The following AGTPBP1 variants were observed in gnomAD, a reference collection of about 807,000 sequenced individuals.
AGTPBP1 encodes the protein ATP/GTP binding carboxypeptidase 1.
AGTPBP1 carries 70 observed loss-of-function variants against 143.9 expected under a neutral mutation model. The observed-to-expected ratio is 0.49, with a 90% CI of 0.40 to 0.59. The LOEUF is 0.59. Ranked by LOEUF, AGTPBP1 falls within the 20% of genes least tolerant of loss-of-function variation. AGTPBP1 has a pLI of 0.00. For synonymous variants in AGTPBP1, 463 were observed against 500.2 expected (o/e 0.93, Z 0.99); for missense variants, 1,229 against 1,464.5 (o/e 0.84, Z 2.62).
At chr9:85,692,095 G>C (rs530840954) in intron 3 of AGTPBP1, among the ~76,000 whole-genome samples, 12 of 151,946 alleles carry the variant, frequency 7.9e-5, no homozygotes, top group Non-Finnish European at 1.6e-4. Context: ...TATGCTACTT[G>C]ATATCTTTTT....
the AGTPBP1 span, among the ~76,000 whole-genome samples, chr9:85,749,486 C>G: frequency 6.6e-6 from 1 of 152,188 alleles, no homozygotes; most frequent in African/African-American, 2.4e-5. Flanking sequence ...TTGGAGCTAA[C>G]TCTCTGAGAC....
chr9:85,776,100 C>T, the AGTPBP1 span, among the ~76,000 whole-genome samples: 3 of 152,158 alleles, frequency 2.0e-5, no homozygotes, highest in African/African-American at 4.8e-5. Flanking sequence ...AACTATCCTT[C>T]GTACAACCAG....
At position 85,741,825 on chromosome 9, in the gene AGTPBP1, C is replaced by A; in HGVS notation, c.-84G>T. 7.1e-7 allele frequency: 1 copy of A among 1,400,180 alleles called. No individual in the cohort carries two copies. The highest frequency in any genetic ancestry group is 1.5e-5 in the South Asian group (1 of 66,170). The allele number at this position is 1,400,180 out of a possible 1,614,324, so 86.7% of individuals were successfully genotyped here. A position where few individuals can be genotyped will look rare whatever the true frequency, so the allele number is the denominator to read the frequency against. On this transcript the variant is annotated 5_prime_UTR_variant, in exon 1 of 26. Transcript: ENST00000357081. ...GACCGCGCAGAGCCGCAGCACCCGG[C>A]TCAGCACCTGGATCACGGCGGATCC...
the AGTPBP1 span, among the ~76,000 whole-genome samples, chr9:85,779,176 T>TATATAGATATAG: frequency 0.016 from 2,194 of 133,680 alleles, 26 homozygotes; most frequent in East Asian, 0.036. Context: ...TAATAGGAGA[T>TATATAGATATAG]ATATAGATAT....
At chr9:85,657,087 G>A (rs1833558910) in intron 10 of AGTPBP1, among the ~76,000 whole-genome samples, 2 of 151,330 alleles carry the variant, frequency 1.3e-5, no homozygotes, top group East Asian at 1.9e-4. Flanking sequence ...GCTAGATGAC[G>A]AGTTAGTGGG....
chr9:85,758,970 C>G, the AGTPBP1 span, among the ~76,000 whole-genome samples: 3 of 152,074 alleles, frequency 2.0e-5, no homozygotes, highest in Non-Finnish European at 4.4e-5. Context: ...GGGTTGCAAT[C>G]CTAGTCTCTG....
At chr9:85,586,657 C>T (rs564056609) in intron 22 of AGTPBP1, among the ~76,000 whole-genome samples, 174 bp downstream of exon 22, 8 of 151,876 alleles carry the variant, frequency 5.3e-5, no homozygotes, top group Non-Finnish European at 1.0e-4. Flanking sequence ...ATATTCATAA[C>T]GAAAAAGGAA....
intron 3 of AGTPBP1, among the ~76,000 whole-genome samples, chr9:85,692,269 T>C (rs997958206): frequency 2.4e-4 from 36 of 151,426 alleles, no homozygotes; most frequent in African/African-American, 8.3e-4. Flanking sequence ...TTGAGAAAGT[T>C]TGATTTTTTT....
intron 17 of AGTPBP1, among the ~76,000 whole-genome samples, chr9:85,610,402 A>G (rs1256260285): frequency 6.6e-6 from 1 of 152,222 alleles, no homozygotes; most frequent in African/African-American, 2.4e-5. Flanking sequence ...TCTCTTTACA[A>G]TTGAAAATAC....
At chr9:85,723,484 G>T (rs895920302) in intron 1 of AGTPBP1, among the ~76,000 whole-genome samples, 1 of 152,216 alleles carries the variant, frequency 6.6e-6, no homozygotes, top group Non-Finnish European at 1.5e-5. Flanking sequence ...CTCCATGGGC[G>T]TGAGACCTGC....
chr9:85,734,050 G>A (rs1290826960), intron 1 of AGTPBP1, among the ~76,000 whole-genome samples: 1 of 152,086 alleles, frequency 6.6e-6, no homozygotes, highest in African/African-American at 2.4e-5. Flanking sequence ...TCAAGAGATC[G>A]AGACCAGCCT....
chr9:85,643,056 A>G (rs1293370948), intron 12 of AGTPBP1, 113 bp from the exon 13 acceptor site: 3 of 690,526 alleles, frequency 4.3e-6, no homozygotes, highest in Non-Finnish European at 2.5e-6. Flanking sequence ...TTAAAGAATA[A>G]TTACTGAATA....
At chr9:85,557,750 G>A (rs1379794416) in intron 25 of AGTPBP1, among the ~76,000 whole-genome samples, 1 of 152,166 alleles carries the variant, frequency 6.6e-6, no homozygotes, top group Non-Finnish European at 1.5e-5. Flanking sequence ...TCAGAAGACA[G>A]AGTTCCTATA....
the AGTPBP1 span, among the ~76,000 whole-genome samples, chr9:85,768,620 G>T: frequency 3.3e-5 from 5 of 152,160 alleles, no homozygotes; most frequent in Non-Finnish European, 7.3e-5. Flanking sequence ...TATTTAAGGG[G>T]TTTTTTCTTG....
intron 8 of AGTPBP1, 58 bp from the exon 9 acceptor site, chr9:85,661,031 T>A (rs1386807266): frequency 7.3e-7 from 1 of 1,378,744 alleles, no homozygotes; most frequent in African/African-American, 1.5e-5. Flanking sequence ...TAATCTACAA[T>A]AGTAAATTCA....
the AGTPBP1 span, among the ~76,000 whole-genome samples, chr9:85,757,219 A>G: frequency 6.6e-5 from 10 of 152,024 alleles, no homozygotes; most frequent in African/African-American, 2.4e-4. Context: ...GGCACACACC[A>G]CCATGCCCAG....
the AGTPBP1 span, among the ~76,000 whole-genome samples, chr9:85,759,939 C>A: frequency 6.6e-6 from 1 of 152,064 alleles, no homozygotes; most frequent in African/African-American, 2.4e-5. Context: ...AAGGGGATAT[C>A]ACCACCGATC....
intron 8 of AGTPBP1, among the ~76,000 whole-genome samples, chr9:85,665,130 C>T (rs1310990663): frequency 1.3e-5 from 2 of 152,104 alleles, no homozygotes; most frequent in African/African-American, 4.8e-5. Context: ...CCAAATATGA[C>T]CTTATTGGAA....
chr9:85,621,693 A>T (rs1830948657), intron 14 of AGTPBP1, among the ~76,000 whole-genome samples: 1 of 152,194 alleles, frequency 6.6e-6, no homozygotes, highest in Non-Finnish European at 1.5e-5. Flanking sequence ...TAATTTTTTT[A>T]AACCCACCTG....
Sources: allele counts gnomAD v4.1 joint callset (sites outside exome capture counted in the v4.1 genomes callset), GRCh38; gene constraint gnomAD v4.1.1; transcripts MANE v1.5; gene names NCBI Gene and HGNC (gene_info 2026-07-23, HGNC 2026-07-21).